IFT74: variants seen among roughly 807,000 people sequenced by gnomAD.
IFT74 encodes the protein intraflagellar transport protein 74 homolog.
Under a neutral mutation model 96.7 loss-of-function variants are expected in IFT74, and 92 were observed. That is an observed-to-expected ratio of 0.95 (90% CI 0.80 to 1.13). IFT74 has a LOEUF of 1.13. Ranked by LOEUF, IFT74 falls within the 50% of genes most tolerant of loss-of-function variation. IFT74 has a pLI of 0.00. For synonymous variants in IFT74, 223 were observed against 213.2 expected (o/e 1.05, Z -0.40); for missense variants, 811 against 698.2 (o/e 1.16, Z -1.82).
upstream of IFT74, among the ~76,000 whole-genome samples, chr9:26,952,853 T>C (rs977093623): frequency 3.9e-4 from 60 of 152,192 alleles, no homozygotes; most frequent in African/African-American, 1.4e-3. Context: ...TTCAAGGGCC[T>C]ATGAGTTAAA....
chr9:27,027,196 G>A (rs899069452), intron 12 of IFT74, among the ~76,000 whole-genome samples: 3 of 151,882 alleles, frequency 2.0e-5, no homozygotes, highest in Non-Finnish European at 2.9e-5. Context: ...ACCTTTACAC[G>A]CACAAACTAG....
chr9:27,008,542 A>G (rs1828896145), intron 8 of IFT74, among the ~76,000 whole-genome samples: 2 of 152,070 alleles, frequency 1.3e-5, no homozygotes, highest in Admixed American at 1.3e-4. Flanking sequence ...TACTTTTAGT[A>G]GAGATGGGTG....
intron 2 of IFT74, among the ~76,000 whole-genome samples, chr9:26,964,256 C>T (rs1489072654): frequency 6.9e-6 from 1 of 145,050 alleles, no homozygotes; most frequent in Non-Finnish European, 1.5e-5. Flanking sequence ...TCAGGTTTGT[C>T]AAAGATCAGA....
At chr9:26,990,630 T>C (rs1228205936) in intron 8 of IFT74, among the ~76,000 whole-genome samples, 2 of 152,206 alleles carry the variant, frequency 1.3e-5, no homozygotes, top group Non-Finnish European at 2.9e-5. Flanking sequence ...ACGTCATATA[T>C]AGATTGTATG....
At chr9:27,055,567 T>C in intron 16 of IFT74, 42 bp from the exon 17 acceptor site, 1 of 1,400,694 alleles carries the variant, frequency 7.1e-7, no homozygotes, top group Non-Finnish European at 9.6e-7. Context: ...GTGAAAGGAA[T>C]AAAATTTTGA....
rs895756802 is a variant in IFT74 at position 27,030,048 on chromosome 9, A to C, written c.1054+944A>C. Reference sequence around the variant, plus strand: ...GTTTGGGTGTGGGGGCTACATTGTTATTTATGGTTAAAGGAGGAGGTTGAG... The same window carrying C: ...GTTTGGGTGTGGGGGCTACATTGTTCTTTATGGTTAAAGGAGGAGGTTGAG... On this transcript the variant is annotated intron_variant, in intron 13 of 19. Transcript: ENST00000380062. Among the ~76,000 whole-genome samples, 13 of 152,200 alleles carry C rather than the reference A, an allele frequency of 8.5e-5. No individual in the cohort carries two copies. The South Asian group carries it at 2.5e-3, about 29-fold the overall frequency.
intron 13 of IFT74, among the ~76,000 whole-genome samples, chr9:27,032,298 A>G (rs1830159838): frequency 6.6e-6 from 1 of 152,062 alleles, no homozygotes; most frequent in South Asian, 2.1e-4. Context: ...GGGGGTTTCT[A>G]CCTTTAAAAA....
At chr9:27,019,757 G>A (rs1394236105) in intron 12 of IFT74, among the ~76,000 whole-genome samples, 1 of 151,468 alleles carries the variant, frequency 6.6e-6, no homozygotes, top group Non-Finnish European at 1.5e-5. Context: ...ACAAGTTTTT[G>A]TGTGGGCATA....
chr9:26,949,682 T>G (rs528047273), intron 1 of IFT74, among the ~76,000 whole-genome samples: 12 of 152,230 alleles, frequency 7.9e-5, no homozygotes, highest in Admixed American at 7.2e-4. Context: ...ATGGGAGATA[T>G]TTCTCAAATC....
In IFT74 at chr9:27,065,230, C is replaced by T. The variant is rs1246395432; in HGVS notation, c.*2494C>T. 6.6e-6 allele frequency among the ~76,000 whole-genome samples: 1 copy of T among 152,066 alleles called. No individual in the cohort carries two copies. The highest frequency in any genetic ancestry group is 1.5e-5 in the Non-Finnish European group (1 of 67,986). On this transcript the variant is annotated 3_prime_UTR_variant, in exon 20 of 20. Coordinates refer to ENST00000380062, the MANE Select transcript of IFT74 (RefSeq NM_025103.4). Reference sequence around the variant, plus strand: ...TGAGCAGGATTTCTTTAAATTAAAACATGTTTTATCTGAGGGAAATTCTCA... The same window carrying T: ...TGAGCAGGATTTCTTTAAATTAAAATATGTTTTATCTGAGGGAAATTCTCA...
In IFT74 at chr9:26,984,502, T is replaced by A. The variant is rs1343253559; in HGVS notation, c.408T>A (p.Ala136=). 1 of 1,611,654 alleles carries A rather than the reference T, an allele frequency of 6.2e-7. No individual in the cohort carries two copies. Among genetic ancestry groups the A allele is most frequent in the East Asian group, 2.2e-5 (1 of 44,748 alleles). The change falls in exon 6 of 20, where the codon GCT becomes GCA. Residue 136 remains alanine, a synonymous_variant. Coordinates refer to ENST00000380062, the MANE Select transcript of IFT74 (RefSeq NM_025103.4). Reference sequence around the variant, plus strand: ...TGTATTTATTTTATGCTTTCAGGGCTGAGACTTTAGCTGTTGAGATAAAAG... The same window carrying A: ...TGTATTTATTTTATGCTTTCAGGGCAGAGACTTTAGCTGTTGAGATAAAAG... ...NSVYLSYEKR[A]ETLAVEIKEL...
intron 12 of IFT74, among the ~76,000 whole-genome samples, chr9:27,023,093 A>T (rs1207710739): frequency 6.6e-6 from 1 of 152,182 alleles, no homozygotes; most frequent in African/African-American, 2.4e-5. Flanking sequence ...ATATGATCAT[A>T]TCAAGAGCAG....
intron 18 of IFT74, among the ~76,000 whole-genome samples, chr9:27,057,363 C>T (rs997996847): frequency 7.9e-5 from 12 of 152,196 alleles, no homozygotes; most frequent in East Asian, 3.9e-4. Context: ...ATGTCTGTCT[C>T]GTTTACTTTA....
At chr9:27,007,695 G>A (rs1236177211) in intron 8 of IFT74, among the ~76,000 whole-genome samples, 1 of 152,198 alleles carries the variant, frequency 6.6e-6, no homozygotes, top group Non-Finnish European at 1.5e-5. Context: ...TGTAGAAGGT[G>A]TGTAGGGGAT....
chr9:26,949,294 A>G (rs1825862292), intron 1 of IFT74, among the ~76,000 whole-genome samples: 1 of 152,188 alleles, frequency 6.6e-6, no homozygotes, highest in Non-Finnish European at 1.5e-5. Context: ...CATTTCACAC[A>G]TGAAGAATTT....
intron 13 of IFT74, among the ~76,000 whole-genome samples, chr9:27,032,540 C>G (rs983067434): frequency 2.0e-5 from 3 of 151,930 alleles, no homozygotes; most frequent in Non-Finnish European, 4.4e-5. Flanking sequence ...CAATTAGCCT[C>G]AGCTTATAGG....
chr9:26,986,186 ATAAGT>A lies in IFT74; in HGVS notation c.465+1630_465+1634del, dbSNP rs1248809131. Among the ~76,000 whole-genome samples the A allele has an allele frequency of 3.9e-5, 6 of 152,340 alleles. No homozygotes were observed. In the East Asian group the frequency reaches 7.7e-4, roughly 20 times the overall value. Reference sequence around the variant, plus strand: ...ATTCTATCATAATGGTTAGGATAAGATAAGTTATGATATACCTACTTGATAGTGTT... The same window carrying A: ...ATTCTATCATAATGGTTAGGATAAGATATGATATACCTACTTGATAGTGTT... On this transcript the variant is annotated intron_variant, in intron 6 of 19. Transcript: ENST00000380062.
At chr9:27,028,958 C>T (rs1467973600) in intron 12 of IFT74, 67 bp from the exon 13 acceptor site, 1 of 1,384,002 alleles carries the variant, frequency 7.2e-7, no homozygotes, top group East Asian at 2.4e-5. Context: ...TATCTAACCT[C>T]CCCATCAATT....
At chr9:27,035,364 T>C (rs1806826369) in intron 13 of IFT74, among the ~76,000 whole-genome samples, 1 of 152,248 alleles carries the variant, frequency 6.6e-6, no homozygotes, top group African/African-American at 2.4e-5. Context: ...TTCCAACATA[T>C]ATCTGCTGAA....
Sources: gnomAD v4.1 joint callset for allele counts (sites outside exome capture counted in the v4.1 genomes callset) on GRCh38, gnomAD v4.1.1 for gene constraint, MANE v1.5 for transcripts, NCBI Gene and HGNC (gene_info 2026-07-23, HGNC 2026-07-21) for gene names.